The following FGF13 variants were observed in gnomAD, a reference collection of about 807,000 sequenced individuals.
FGF13 encodes fibroblast growth factor homologous factor 2.
A neutral mutation model predicts 19.5 loss-of-function variants in FGF13; 2 were observed. The ratio of observed to expected loss-of-function variants is 0.10; its 90% CI spans 0.04 to 0.32. The LOEUF is 0.32. Among genes scored for constraint, FGF13 ranks in the 10% least tolerant of loss-of-function variants. FGF13 has a pLI of 1.00. For missense variants in FGF13, 113 were observed against 192.7 expected, an observed-to-expected ratio of 0.59 and a Z score of 2.45; for synonymous variants, 72 against 76.9, an observed-to-expected ratio of 0.94 and a Z score of 0.33.
chrX:138,738,005 T>C (rs923182385), intron 1 of FGF13, among the ~76,000 whole-genome samples: 1 of 112,487 alleles, frequency 8.9e-6, no homozygotes, highest in African/African-American at 3.2e-5. Context: ...TAAGCTTTTT[T>C]TCTCTCTCAA....
intron 1 of FGF13, among the ~76,000 whole-genome samples, chrX:139,052,383 C>T (rs2124413733): frequency 8.9e-6 from 1 of 112,264 alleles, no homozygotes; most frequent in African/African-American, 3.2e-5. Context: ...GAAATTTAAC[C>T]ATGTCACTGC....
intron 3 of FGF13, among the ~76,000 whole-genome samples, chrX:138,835,768 G>A (rs1205362686): frequency 2.7e-5 from 3 of 111,759 alleles, no homozygotes; most frequent in Non-Finnish European, 5.6e-5. Flanking sequence ...GTAATTCAGT[G>A]TGTTTTTGTA....
chrX:138,828,549 G>C (rs1028173259), intron 3 of FGF13, among the ~76,000 whole-genome samples: 3 of 98,447 alleles, frequency 3.0e-5, no homozygotes, highest in African/African-American at 1.2e-4. Flanking sequence ...CAGCCTGGGC[G>C]ACAGAGCGAG....
At chrX:139,055,639 A>G (rs2092318729) in intron 1 of FGF13, among the ~76,000 whole-genome samples, 1 of 112,571 alleles carries the variant, frequency 8.9e-6, no homozygotes, top group Admixed American at 9.3e-5. Context: ...TCACAAATTG[A>G]TATGGATGGT....
downstream of FGF13, chrX:138,857,387 C>T (rs186884227): frequency 5.2e-5 from 32 of 614,156 alleles, no homozygotes; most frequent in Admixed American, 9.3e-4. Context: ...AGCCAGGGGG[C>T]CTCCTAGCTA....
At chrX:138,998,509 A>G (rs1177612192) in intron 1 of FGF13, among the ~76,000 whole-genome samples, 1 of 10,021 alleles carries the variant, frequency 1.0e-4, no homozygotes, top group South Asian at 2.3e-3. Flanking sequence ...AATGGAAAGA[A>G]AAAAAAAAAA....
chrX:138,713,019 T>C (rs974773785), upstream of FGF13, among the ~76,000 whole-genome samples: 9 of 112,300 alleles, frequency 8.0e-5, no homozygotes, highest in African/African-American at 2.6e-4. Context: ...CTCTGCAATC[T>C]TGAAATGTCT....
chrX:138,665,464 C>A (rs2089532793), intron 3 of FGF13, among the ~76,000 whole-genome samples: 1 of 111,166 alleles, frequency 9.0e-6, no homozygotes, highest in Non-Finnish European at 1.9e-5. Flanking sequence ...CAGACACAGG[C>A]AAAATAATTT....
intron 3 of FGF13, among the ~76,000 whole-genome samples, chrX:138,693,364 G>A (rs376517168): frequency 2.1e-4 from 23 of 111,437 alleles, no homozygotes; most frequent in African/African-American, 7.5e-4. Context: ...CTCAATAGCT[G>A]GACACCTCTT....
At chrX:139,202,731 C>A (rs1472295234) in intron 1 of FGF13, among the ~76,000 whole-genome samples, 2 of 111,049 alleles carry the variant, frequency 1.8e-5, no homozygotes, top group African/African-American at 3.3e-5. Flanking sequence ...TGGGGAGAGG[C>A]GAGAAGGAGG....
chrX:139,116,685 CG>C (rs912382231), intron 1 of FGF13, among the ~76,000 whole-genome samples: 1 of 110,135 alleles, frequency 9.1e-6, no homozygotes, highest in African/African-American at 3.3e-5. Flanking sequence ...AAAAGGAGAG[CG>C]GGGGGAAAAA....
chrX:138,728,079 A>T (rs760300346), intron 1 of FGF13, among the ~76,000 whole-genome samples: 6 of 112,025 alleles, frequency 5.4e-5, no homozygotes, highest in Non-Finnish European at 9.4e-5. Flanking sequence ...CCTTACATGC[A>T]GTAAAATATA....
At chrX:139,097,357 C>T (rs1292125906) in intron 1 of FGF13, among the ~76,000 whole-genome samples, 1 of 111,052 alleles carries the variant, frequency 9.0e-6, no homozygotes, top group African/African-American at 3.3e-5. Context: ...AGGAAGTTTA[C>T]TAATTTGTGT....
chrX:138,718,301 C>T (rs1470658226), intron 1 of FGF13, among the ~76,000 whole-genome samples: 1 of 111,734 alleles, frequency 8.9e-6, no homozygotes, highest in Non-Finnish European at 1.9e-5. Flanking sequence ...TCATTTCTTG[C>T]CCAGTGAACT....
At position 138,618,215 on chromosome X, in the gene FGF13, A is replaced by G. The variant is rs1206315909; in HGVS notation, c.*14635T>C. 9.0e-6 allele frequency: 1 copy of G among 111,231 alleles called. No homozygotes were observed. Among genetic ancestry groups the G allele is most frequent in the Non-Finnish European group, 1.9e-5 (1 of 53,090 alleles). The allele number at this position is 111,231 out of a possible 1,213,427, so 9.2% of individuals were successfully genotyped here. A position where few individuals can be genotyped will look rare whatever the true frequency, so the allele number is the denominator to read the frequency against. On this transcript the variant is annotated 3_prime_UTR_variant, in exon 5 of 5. Transcript: ENST00000315930. ...AATTACGAGAATAGGCACATTGAAA[A>G]GAACCAGAAAATAGTTTCACTACTT...
chrX:139,175,207 T>G (rs1486287103), intron 1 of FGF13, among the ~76,000 whole-genome samples: 1 of 111,674 alleles, frequency 9.0e-6, no homozygotes, highest in Non-Finnish European at 1.9e-5. Flanking sequence ...TGTCTATTAT[T>G]GGTGTATAGG....
intron 3 of FGF13, among the ~76,000 whole-genome samples, chrX:138,754,194 C>T (rs188635771): frequency 9.0e-5 from 10 of 111,451 alleles, no homozygotes; most frequent in Admixed American, 6.7e-4. Flanking sequence ...ATGTTTTGCT[C>T]GAGACTGGAG....
At chrX:139,023,866 T>C (rs965081971) in intron 1 of FGF13, among the ~76,000 whole-genome samples, 2 of 111,528 alleles carry the variant, frequency 1.8e-5, no homozygotes, top group African/African-American at 6.5e-5. Context: ...TATCTGCAGC[T>C]GGTGAGATTT....
chrX:139,204,166 C>A, upstream of FGF13: 1 of 1,102,358 alleles, frequency 9.1e-7, no homozygotes, highest in Non-Finnish European at 1.3e-6. Flanking sequence ...CCGAGCGGGT[C>A]GGACTTGGGA....
Sources: gnomAD v4.1 joint callset for allele counts (sites outside exome capture counted in the v4.1 genomes callset) on GRCh38, gnomAD v4.1.1 for gene constraint, MANE v1.5 for transcripts, NCBI Gene and HGNC (gene_info 2026-07-23, HGNC 2026-07-21) for gene names.